NELFA: variants seen among roughly 807,000 people sequenced by gnomAD.
NELFA encodes the protein negative elongation factor complex member A.
A neutral mutation model predicts 51.8 loss-of-function variants in NELFA; 35 were observed. That is an observed-to-expected ratio of 0.68 (90% CI 0.52 to 0.90). NELFA has a LOEUF of 0.90. Ranked by LOEUF, NELFA falls within the 40% of genes least tolerant of loss-of-function variation. The probability of loss-of-function intolerance (pLI) is 0.00; values close to 1 mark genes in which losing one functional copy is unlikely to be tolerated. For missense variants in NELFA, 658 were observed against 746.4 expected (o/e 0.88, Z 1.38); for synonymous variants, 417 against 338.4 (o/e 1.23, Z -2.55).
Position 2,004,316 on chromosome 4 carries a change from T to C in NELFA, c.210+4434A>G, listed in dbSNP as rs75302428. On this transcript the variant is annotated intron_variant, in intron 1 of 10. Transcript: ENST00000382882. ...AAGTAGATTACTAGTCACCTAGGAG[T>C]GGGGAGGAAGAGGACTGGGCAAATG... Among the ~76,000 whole-genome samples the C allele has an allele frequency of 6.0e-3, 903 of 151,616 alleles. 11 individuals are homozygous for C. Among genetic ancestry groups the C allele is most frequent in the African/African-American group, 0.021 (849 of 41,284 alleles).
In NELFA at chr4:1,989,854, G is replaced by A. The variant is rs962563014; in HGVS notation, c.398C>T (p.Ala133Val). Residue 133 changes from alanine (A) to valine (V), a missense_variant, in exon 3 of 11, where the codon GCG becomes GTG. Ala to Val is a moderately conservative substitution (Grantham distance 64). This residue lies in a region of NELFA where 371 missense variants were observed against 448.3 expected (regional missense o/e 0.83). Transcript: ENST00000382882. The surrounding 1 kb of genome is among the most constrained non-coding windows in gnomAD (Gnocchi z 4.8). ...ELREKVGECE[A>V]SAMLPLECQY... ...GCACTCCAGTGGCAGCATGGCAGACGCTTCACACTCACCCACTGCCGGTAA... is the reference window on the plus strand; with the variant it reads ...GCACTCCAGTGGCAGCATGGCAGACACTTCACACTCACCCACTGCCGGTAA... The A allele has an allele frequency of 3.1e-6, 5 of 1,613,670 alleles. No homozygotes were observed. The highest frequency in any genetic ancestry group is 1.7e-5 in the Admixed American group (1 of 59,930).
At chr4:2,002,790 A>T (rs1728613990) in intron 1 of NELFA, among the ~76,000 whole-genome samples, 1 of 152,200 alleles carries the variant, frequency 6.6e-6, no homozygotes. Flanking sequence ...CTAGAAGAAA[A>T]CCTAGGCAAT....
rs777909440 is a variant in NELFA at position 1,983,926 on chromosome 4, CTGAG to C, written c.1220_1223del (p.Thr407ArgfsTer70). 2 of 1,609,002 alleles carry C rather than the reference CTGAG, an allele frequency of 1.2e-6. No homozygotes were observed. Among genetic ancestry groups the C allele is most frequent in the Non-Finnish European group, 8.5e-7 (1 of 1,177,876 alleles). ...GGGCCACCATGGCAACCGGGGGTGT[CTGAG>C]TGGTAGGGGCGACAGCCGGAGGTGT... is the stretch of plus-strand genomic sequence containing the variant. On this transcript the variant is annotated frameshift_variant, in exon 9 of 11. Transcript: ENST00000382882. LOFTEE classifies it high-confidence loss of function.
At chr4:1,992,534 G>A in intron 1 of NELFA, 1 of 386,702 alleles carries the variant, frequency 2.6e-6, no homozygotes, top group South Asian at 1.8e-5. Context: ...CTCACAGTGT[G>A]AGACAGCTGG....
chr4:1,983,713 G>A lies in NELFA; in HGVS notation c.1303-18C>T, dbSNP rs752117384. ...TGCTCTCTCTACAGCGGGGAGAGGGGTGTGGGTGCCAGGGCCCCGCCAGGA... is the reference window on the plus strand; with the variant it reads ...TGCTCTCTCTACAGCGGGGAGAGGGATGTGGGTGCCAGGGCCCCGCCAGGA... On this transcript the variant is annotated intron_variant, in intron 9 of 10. Coordinates refer to ENST00000382882, the MANE Select transcript of NELFA (RefSeq NM_005663.5). The A allele has an allele frequency of 2.9e-5, 46 of 1,611,764 alleles. No individual in the cohort carries two copies. The South Asian group carries it at 4.6e-4, about 16-fold the overall frequency.
At chr4:1,990,194 A>C in intron 2 of NELFA, 1 of 417,380 alleles carries the variant, frequency 2.4e-6, no homozygotes, top group Non-Finnish European at 4.5e-6. Flanking sequence ...AGAACATGAA[A>C]TGTTAACAGA....
At chr4:1,985,170 C>T (rs1728045494) in intron 7 of NELFA, among the ~76,000 whole-genome samples, 1 of 152,174 alleles carries the variant, frequency 6.6e-6, no homozygotes, top group Non-Finnish European at 1.5e-5. Flanking sequence ...AACAGCCCAT[C>T]TTGAGCACAG....
chr4:1,992,520 G>A (rs1323275620), intron 1 of NELFA: 5 of 412,220 alleles, frequency 1.2e-5, no homozygotes, highest in Admixed American at 1.1e-4. Context: ...CGCCCACTGG[G>A]CTGCTCACAG....
At chr4:1,993,939 T>A (rs1728354863) in intron 1 of NELFA, among the ~76,000 whole-genome samples, 1 of 152,106 alleles carries the variant, frequency 6.6e-6, no homozygotes, top group Non-Finnish European at 1.5e-5. Flanking sequence ...GTGCTGGGAA[T>A]CCAGGCGCCA....
At chr4:1,992,249 G>A in intron 1 of NELFA, 1 of 240,368 alleles carries the variant, frequency 4.2e-6, no homozygotes, top group Non-Finnish European at 8.4e-6. Flanking sequence ...CACCATCTAG[G>A]CAGGGACGGC....
chr4:1,994,953 A>C (rs1223453033), intron 1 of NELFA, among the ~76,000 whole-genome samples: 1 of 152,236 alleles, frequency 6.6e-6, no homozygotes, highest in Non-Finnish European at 1.5e-5. Flanking sequence ...GCCATGCATA[A>C]GGTTAACCTT....
intron 2 of NELFA, 65 bp downstream of exon 2, chr4:1,991,478 GA>G: frequency 6.4e-7 from 1 of 1,564,010 alleles, no homozygotes; most frequent in Non-Finnish European, 8.7e-7. Flanking sequence ...ATTCATTTCA[GA>G]AAAAAATTTT....
Position 1,983,499 on chromosome 4 carries a change from G to A in NELFA, c.1407C>T (p.Asn469=), listed in dbSNP as rs148369148. The A allele has an allele frequency of 3.5e-5, 56 of 1,613,780 alleles. No individual in the cohort carries two copies. Among genetic ancestry groups the A allele is most frequent in the Admixed American group, 6.7e-5 (4 of 60,002 alleles). ...TCACGTCCCCCTGCTCCTGGCACGGGTTCTCTGCAGAGAGCAGGAGCTGCT... is the reference window on the plus strand; with the variant it reads ...TCACGTCCCCCTGCTCCTGGCACGGATTCTCTGCAGAGAGCAGGAGCTGCT... ...ILGFMAGSRE[N]PCQEQGDVIQ... Residue 469 remains asparagine (N), a synonymous_variant, in exon 11 of 11, where the codon AAC becomes AAT. Coordinates refer to ENST00000382882, the MANE Select transcript of NELFA (RefSeq NM_005663.5).
At chr4:1,987,041 G>A (rs1728126528) in intron 4 of NELFA, among the ~76,000 whole-genome samples, 1 of 152,130 alleles carries the variant, frequency 6.6e-6, no homozygotes. Context: ...AGGAGAGCAA[G>A]GTGGAACCTC....
At chr4:2,003,358 C>T (rs915173962) in intron 1 of NELFA, among the ~76,000 whole-genome samples, 4 of 152,176 alleles carry the variant, frequency 2.6e-5, no homozygotes, top group Non-Finnish European at 4.4e-5. Context: ...TACCATTTGA[C>T]CCAGCAATCC....
At chr4:1,999,823 A>G (rs1329020750) in intron 1 of NELFA, among the ~76,000 whole-genome samples, 1 of 152,250 alleles carries the variant, frequency 6.6e-6, no homozygotes, top group African/African-American at 2.4e-5. Flanking sequence ...CCTCAAATCA[A>G]CAGAATATAC....
At chr4:2,006,380 G>A (rs983571967) in intron 1 of NELFA, among the ~76,000 whole-genome samples, 5 of 152,150 alleles carry the variant, frequency 3.3e-5, no homozygotes, top group Admixed American at 6.6e-5. Flanking sequence ...GGAGTGTTCC[G>A]GGCATGTCCC....
At chr4:2,002,383 T>G (rs1728605603) in intron 1 of NELFA, among the ~76,000 whole-genome samples, 1 of 152,120 alleles carries the variant, frequency 6.6e-6, no homozygotes, top group South Asian at 2.1e-4. Flanking sequence ...AAAAACTATT[T>G]TAAATTTCAT....
At chr4:1,984,988 G>C (rs1017160238) in intron 7 of NELFA, 69 bp from the exon 8 acceptor site, 1 of 1,150,192 alleles carries the variant, frequency 8.7e-7, no homozygotes, top group African/African-American at 1.5e-5. Context: ...CACATGGCCC[G>C]ACCCGGAGCT....
Sources: allele counts gnomAD v4.1 joint callset (sites outside exome capture counted in the v4.1 genomes callset), GRCh38; gene constraint gnomAD v4.1.1; regional missense constraint gnomAD v4.1.1; non-coding constraint Gnocchi (gnomAD v3.1); transcripts MANE v1.5; gene names NCBI Gene and HGNC (gene_info 2026-07-23, HGNC 2026-07-21).